The following FBXL7 variants were observed in gnomAD, a reference collection of about 807,000 sequenced individuals.
FBXL7 encodes the protein F-box/LRR-repeat protein 7.
Under a neutral mutation model 38.3 loss-of-function variants are expected in FBXL7, and 12 were observed. That is an observed-to-expected ratio of 0.31 (90% CI 0.20 to 0.51). FBXL7 has a LOEUF of 0.51. Ranked by LOEUF, FBXL7 falls within the 20% of genes least tolerant of loss-of-function variation. The pLI, the probability that FBXL7 is intolerant of heterozygous loss-of-function variation, is 0.98. For missense variants in FBXL7, 567 were observed against 676.4 expected, an observed-to-expected ratio of 0.84 and a Z score of 1.79; for synonymous variants, 297 against 300.9, an observed-to-expected ratio of 0.99 and a Z score of 0.13.
intron 2 of FBXL7, among the ~76,000 whole-genome samples, chr5:15,760,731 T>C (rs1736419432): frequency 6.6e-6 from 1 of 152,136 alleles, no homozygotes; most frequent in Admixed American, 6.6e-5. Context: ...AGGAGTTCAC[T>C]GCAAAAATTG....
intron 2 of FBXL7, among the ~76,000 whole-genome samples, chr5:15,693,830 T>A (rs981961497): frequency 1.3e-5 from 2 of 152,122 alleles, no homozygotes; most frequent in African/African-American, 4.8e-5. Context: ...TAAGACCACC[T>A]TCCCACTCCA....
chr5:15,582,779 C>A (rs958182572), intron 1 of FBXL7, among the ~76,000 whole-genome samples: 4 of 152,196 alleles, frequency 2.6e-5, no homozygotes, highest in African/African-American at 9.6e-5. Context: ...CTAGAGGCTA[C>A]CAAGTGCTTG....
chr5:15,629,643 C>T (rs1203617934), intron 2 of FBXL7, among the ~76,000 whole-genome samples: 1 of 152,124 alleles, frequency 6.6e-6, no homozygotes, highest in African/African-American at 2.4e-5. Flanking sequence ...TGTATGCTTC[C>T]TGCGATGCCT....
chr5:15,574,389 A>T (rs1004162100), intron 1 of FBXL7, among the ~76,000 whole-genome samples: 1 of 152,234 alleles, frequency 6.6e-6, no homozygotes, highest in Admixed American at 6.5e-5. Context: ...TAAGAGAAAG[A>T]TATTTTTTAG....
intron 2 of FBXL7, among the ~76,000 whole-genome samples, chr5:15,781,159 A>G (rs1005689745): frequency 3.3e-5 from 5 of 152,182 alleles, no homozygotes; most frequent in Non-Finnish European, 7.3e-5. Context: ...TCCAATAGAA[A>G]TTGGAACTTA....
intron 2 of FBXL7, among the ~76,000 whole-genome samples, chr5:15,906,513 AT>A (rs34465454): frequency 0.07 from 9,372 of 134,248 alleles, 361 homozygotes; most frequent in East Asian, 0.16. Context: ...TCCACAAAAA[AT>A]TTTTTTTTTT....
At chr5:15,893,491 G>A (rs973469121) in intron 2 of FBXL7, among the ~76,000 whole-genome samples, 3 of 152,154 alleles carry the variant, frequency 2.0e-5, no homozygotes, top group Non-Finnish European at 4.4e-5. Context: ...AATAATTTAT[G>A]TTAATAATCG....
intron 2 of FBXL7, among the ~76,000 whole-genome samples, chr5:15,617,663 T>C (rs1740500593): frequency 1.3e-5 from 2 of 152,166 alleles, no homozygotes; most frequent in Non-Finnish European, 2.9e-5. Flanking sequence ...GGTCTCAAAC[T>C]CCTGACCTCA....
At chr5:15,782,139 T>C (rs1227665300) in intron 2 of FBXL7, among the ~76,000 whole-genome samples, 1 of 152,194 alleles carries the variant, frequency 6.6e-6, no homozygotes, top group Non-Finnish European at 1.5e-5. Flanking sequence ...GCTTCATCCA[T>C]GTCCCTGCAA....
chr5:15,809,587 G>A (rs985947040), intron 2 of FBXL7, among the ~76,000 whole-genome samples: 6 of 151,622 alleles, frequency 4.0e-5, no homozygotes, highest in Non-Finnish European at 7.4e-5. Flanking sequence ...AGAACTAATC[G>A]TTATTAAAAT....
intron 2 of FBXL7, among the ~76,000 whole-genome samples, chr5:15,639,507 C>T (rs1741289817): frequency 6.6e-6 from 1 of 152,032 alleles, no homozygotes; most frequent in African/African-American, 2.4e-5. Context: ...GTGACTTGCT[C>T]CTCCTTGCCT....
chr5:15,599,210 T>C (rs768471839), intron 1 of FBXL7, among the ~76,000 whole-genome samples: 5 of 152,046 alleles, frequency 3.3e-5, no homozygotes, highest in Non-Finnish European at 7.4e-5. Flanking sequence ...TAGCAGGTAA[T>C]AAAATTGGGA....
At chr5:15,922,787 A>T (rs1369780010) in intron 2 of FBXL7, among the ~76,000 whole-genome samples, 5 of 152,350 alleles carry the variant, frequency 3.3e-5, no homozygotes, top group Middle Eastern at 6.8e-3. Flanking sequence ...GCTAATTTTC[A>T]TATAAATGTA....
At chr5:15,897,739 G>A (rs1167428335) in intron 2 of FBXL7, among the ~76,000 whole-genome samples, 2 of 152,282 alleles carry the variant, frequency 1.3e-5, no homozygotes, top group Non-Finnish European at 2.9e-5. Flanking sequence ...AAATTGTGTT[G>A]AAGCCCCAGC....
chr5:15,733,183 T>A (rs1182579398), intron 2 of FBXL7, among the ~76,000 whole-genome samples: 1 of 152,114 alleles, frequency 6.6e-6, no homozygotes, highest in African/African-American at 2.4e-5. Flanking sequence ...AACCTCCGCC[T>A]CTCGGGTTCA....
intron 2 of FBXL7, among the ~76,000 whole-genome samples, chr5:15,918,228 GA>G (rs1313246769): frequency 6.6e-6 from 1 of 152,146 alleles, no homozygotes; most frequent in Non-Finnish European, 1.5e-5. Flanking sequence ...GACAGGGTGA[GA>G]TTCCGTCTCA....
chr5:15,873,468 A>G lies in FBXL7; in HGVS notation c.128-54422A>G, dbSNP rs562014152. Among the ~76,000 whole-genome samples, 23 of 152,312 alleles carry G rather than the reference A, an allele frequency of 1.5e-4. No homozygotes were observed. In the South Asian group the frequency reaches 2.3e-3, roughly 15 times the overall value. On this transcript the variant is annotated intron_variant, in intron 2 of 3. Transcript: ENST00000504595. Reference sequence around the variant, plus strand: ...AAAAACCCTTCAAAAAAATCAATGAATCCAGGAGGTGGTTTTTTGAAAAGA... The same window carrying G: ...AAAAACCCTTCAAAAAAATCAATGAGTCCAGGAGGTGGTTTTTTGAAAAGA...
At chr5:15,660,871 G>A (rs1477721640) in intron 2 of FBXL7, among the ~76,000 whole-genome samples, 2 of 152,206 alleles carry the variant, frequency 1.3e-5, no homozygotes, top group South Asian at 2.1e-4. Flanking sequence ...ATCTAACCAC[G>A]TGGCCCATTT....
intron 1 of FBXL7, among the ~76,000 whole-genome samples, chr5:15,515,646 GT>G (rs1392630247): frequency 6.6e-6 from 1 of 152,156 alleles, no homozygotes; most frequent in East Asian, 1.9e-4. Context: ...GATGGTTATA[GT>G]TGTTATTGTC....
Sources: allele counts gnomAD v4.1 joint callset (sites outside exome capture counted in the v4.1 genomes callset), GRCh38; gene constraint gnomAD v4.1.1; transcripts MANE v1.5; gene names NCBI Gene and HGNC (gene_info 2026-07-23, HGNC 2026-07-21).